The following HNRNPR variants were observed in gnomAD, a reference collection of about 807,000 sequenced individuals.
The protein encoded by HNRNPR is heterogeneous nuclear ribonucleoprotein R.
In HNRNPR, 4 loss-of-function variants were observed where a neutral mutation model predicts 70.3. The observed-to-expected ratio is 0.06, with a 90% confidence interval of 0.03 to 0.13. The LOEUF is 0.13. Among genes scored for constraint, HNRNPR ranks in the 10% least tolerant of loss-of-function variants. The pLI is 1.00. For synonymous variants in HNRNPR, 241 were observed against 267.6 expected (o/e 0.90, Z 0.97); for missense variants, 423 against 788.5 (o/e 0.54, Z 5.55).
At chr1:23,330,509 T>C (rs1159623764) in intron 5 of HNRNPR, among the ~76,000 whole-genome samples, 1 of 152,136 alleles carries the variant, frequency 6.6e-6, no homozygotes, top group East Asian at 1.9e-4. Flanking sequence ...CACTCCAGCC[T>C]GGGCGACAGA....
At chr1:23,324,098 A>C (rs1335641507) in intron 5 of HNRNPR, among the ~76,000 whole-genome samples, 1 of 150,876 alleles carries the variant, frequency 6.6e-6, no homozygotes, top group East Asian at 1.9e-4. Context: ...GGATCACTTG[A>C]GTCTAGGAGT....
rs1451145085 is a variant in HNRNPR, at chr1:23,305,762, CACACAAA to C, written c.*4685_*4691del. 1 of 152,140 alleles carries C rather than the reference CACACAAA, an allele frequency of 6.6e-6. No homozygotes were observed. Among genetic ancestry groups the C allele is most frequent in the Non-Finnish European group, 1.5e-5 (1 of 68,006 alleles). 9.4% of individuals were successfully genotyped at this position (152,140 alleles called of 1,614,324 possible). On this transcript the variant is annotated 3_prime_UTR_variant, in exon 11 of 11. Coordinates refer to ENST00000302271, the MANE Select transcript of HNRNPR (RefSeq NM_005826.5). ...TAATCCTATCAGCTACCCTAGCTTT[CACACAAA>C]ACACAAGTTGTTCATAGGTTTATGT...
chr1:23,334,855 A>G (rs1646399022), intron 4 of HNRNPR, among the ~76,000 whole-genome samples: 1 of 152,220 alleles, frequency 6.6e-6, no homozygotes, highest in South Asian at 2.1e-4. Context: ...TAGAGAAGAA[A>G]AGATACAATG....
At chr1:23,341,653 T>C (rs1345626247) in intron 1 of HNRNPR, among the ~76,000 whole-genome samples, 2 of 152,150 alleles carry the variant, frequency 1.3e-5, no homozygotes, top group Non-Finnish European at 2.9e-5. Context: ...TGACCAAGTT[T>C]AAAAGCGAAA....
At chr1:23,311,385 T>C (rs1011789003) in intron 9 of HNRNPR, 63 bp from the exon 10 acceptor site, 28 of 1,073,530 alleles carry the variant, frequency 2.6e-5, no homozygotes, top group Middle Eastern at 2.4e-4. Flanking sequence ...TTATATAGTA[T>C]GTAAGCTATT....
intron 4 of HNRNPR, 35 bp downstream of exon 4, chr1:23,337,719 G>T: frequency 9.8e-6 from 12 of 1,225,002 alleles, no homozygotes; most frequent in Non-Finnish European, 1.4e-5. Flanking sequence ...ATCATTAAAT[G>T]CAATTTCATT....
chr1:23,311,526 A>C, intron 9 of HNRNPR: 1 of 421,988 alleles, frequency 2.4e-6, no homozygotes, highest in Non-Finnish European at 4.2e-6. Flanking sequence ...ATCTTTTTAT[A>C]CATAAATTAC....
At chr1:23,325,504 C>T (rs554068253) in intron 5 of HNRNPR, among the ~76,000 whole-genome samples, 33 of 152,264 alleles carry the variant, frequency 2.2e-4, no homozygotes, top group African/African-American at 7.9e-4. Flanking sequence ...CTTCTACCTC[C>T]TTAAGGTCCC....
At chr1:23,315,098 G>A (rs1042686118) in intron 8 of HNRNPR, among the ~76,000 whole-genome samples, 2 of 151,984 alleles carry the variant, frequency 1.3e-5, no homozygotes, top group Non-Finnish European at 2.9e-5. Flanking sequence ...TGGCCAGCAT[G>A]GTGAAACCCT....
chr1:23,333,012 C>A (rs1646305394), intron 5 of HNRNPR, among the ~76,000 whole-genome samples: 1 of 152,000 alleles, frequency 6.6e-6, no homozygotes, highest in Non-Finnish European at 1.5e-5. Context: ...GGTGAAACCC[C>A]GTCTCCACTA....
Position 23,318,730 on chromosome 1 carries a change from C to T in HNRNPR, c.812-42G>A, listed in dbSNP as rs1332623824. The T allele has an allele frequency of 2.5e-6, 4 of 1,595,890 alleles. No individual in the cohort carries two copies. The highest frequency in any genetic ancestry group is 3.4e-6 in the Non-Finnish European group (4 of 1,165,746). ...CAGATATATAAGCCAAAAGCATCCA[C>T]CACACATCTAGCGATTAGGCAGACC... On this transcript the variant is annotated intron_variant, in intron 7 of 10. Coordinates refer to ENST00000302271, the MANE Select transcript of HNRNPR (RefSeq NM_005826.5). This position sits in a 1 kb window ranked among gnomAD's most constrained non-coding sequence, Gnocchi z 4.2.
At chr1:23,338,039 C>T (rs192635136) in intron 3 of HNRNPR, 178 bp from the exon 4 acceptor site, 114 of 537,678 alleles carry the variant, frequency 2.1e-4, no homozygotes, top group African/African-American at 2.0e-3. Context: ...AGCAGTAAGG[C>T]AGTATAGACC....
At chr1:23,331,103 C>A (rs1427357319) in intron 5 of HNRNPR, among the ~76,000 whole-genome samples, 1 of 152,086 alleles carries the variant, frequency 6.6e-6, no homozygotes, top group Non-Finnish European at 1.5e-5. Flanking sequence ...TGGTTTTAGG[C>A]TAGTGATCAC....
chr1:23,338,725 A>G (rs770245333), intron 2 of HNRNPR, 117 bp from the exon 3 acceptor site: 104 of 521,234 alleles, frequency 2.0e-4, no homozygotes, highest in Non-Finnish European at 3.5e-4. Flanking sequence ...CTGTATTTTC[A>G]TTTAACTATA....
At position 23,323,531 on chromosome 1, in the gene HNRNPR, A is replaced by C. The variant is rs143905995; in HGVS notation, c.675+25T>G. 237 of 1,596,070 alleles carry C rather than the reference A, an allele frequency of 1.5e-4. 1 individual carries two copies. The East Asian group carries it at 4.0e-3, about 27-fold the overall frequency. ...TTATTTCCTCAAATAGTGACTTGCT[A>C]AGACAGTGGATAATTATCACATACC... On this transcript the variant is annotated intron_variant, in intron 6 of 10. Coordinates refer to ENST00000302271, the MANE Select transcript of HNRNPR (RefSeq NM_005826.5).
chr1:23,334,237 T>TC (rs1646368026), intron 4 of HNRNPR, among the ~76,000 whole-genome samples: 1 of 134,638 alleles, frequency 7.4e-6, no homozygotes, highest in Non-Finnish European at 1.6e-5. Context: ...TAGTGTACTT[T>TC]TTTTTTTTTT....
chr1:23,324,415 A>C (rs915436662), intron 5 of HNRNPR, among the ~76,000 whole-genome samples: 20 of 152,164 alleles, frequency 1.3e-4, no homozygotes, highest in Admixed American at 6.5e-4. Flanking sequence ...AAAAATACAA[A>C]AAATTCTCCG....
rs1435588610 is a variant in HNRNPR, at chr1:23,311,085, G to C, written c.1290-19C>G. 1.9e-6 allele frequency: 3 copies of C among 1,608,402 alleles called. No individual in the cohort carries two copies. The highest frequency in any genetic ancestry group is 1.7e-5 in the Admixed American group (1 of 58,986). On this transcript the variant is annotated intron_variant, in intron 10 of 10. Transcript: ENST00000302271. ...TTCATACCTAGCAAAGTAGAGAAGGGAGAAAAGAAAAAACAAATCAGTTTG... is the reference window on the plus strand; with the variant it reads ...TTCATACCTAGCAAAGTAGAGAAGGCAGAAAAGAAAAAACAAATCAGTTTG...
intron 8 of HNRNPR, among the ~76,000 whole-genome samples, chr1:23,315,183 G>A: frequency 6.6e-6 from 1 of 151,134 alleles, no homozygotes; most frequent in East Asian, 1.9e-4. Context: ...GGGAAGCTGA[G>A]GCAGGAGAAT....
Sources: allele counts gnomAD v4.1 joint callset (sites outside exome capture counted in the v4.1 genomes callset), GRCh38; gene constraint gnomAD v4.1.1; non-coding constraint Gnocchi (gnomAD v3.1); transcripts MANE v1.5; gene names NCBI Gene and HGNC (gene_info 2026-07-23, HGNC 2026-07-21).